Variants in CALN1 observed in about 807,000 individuals in gnomAD.
CALN1 encodes calneuron 1.
Under a neutral mutation model 30.6 loss-of-function variants are expected in CALN1, and 17 were observed. The observed-to-expected ratio is 0.56, with a 90% CI of 0.38 to 0.83. The LOEUF is 0.83. Ranked by LOEUF, CALN1 falls within the 40% of genes least tolerant of loss-of-function variation. CALN1 has a pLI of 0.00. For missense variants in CALN1, 291 were observed against 354.9 expected, an observed-to-expected ratio of 0.82 and a Z score of 1.45; for synonymous variants, 156 against 131.4, an observed-to-expected ratio of 1.19 and a Z score of -1.28.
At chr7:72,351,838 G>A (rs1426579086) in intron 2 of CALN1, among the ~76,000 whole-genome samples, 3 of 152,182 alleles carry the variant, frequency 2.0e-5, no homozygotes, top group Admixed American at 2.0e-4. Context: ...ATTGTGAATT[G>A]CATTTAATTT....
chr7:71,899,765 G>A lies in CALN1; in HGVS notation c.502-89273C>T, dbSNP rs548483144. 2.0e-4 allele frequency among the ~76,000 whole-genome samples: 31 copies of A among 152,204 alleles called. No individual in the cohort carries two copies. In the East Asian group the frequency reaches 3.5e-3, roughly 17 times the overall value. ...ACTTCAGAATAACTGATACCATGTC[G>A]TAACAACAAAATGTCACCATATGGA... On this transcript the variant is annotated intron_variant, in intron 5 of 6. Coordinates refer to ENST00000395275, the MANE Select transcript of CALN1 (RefSeq NM_031468.4).
At chr7:72,473,118 T>C in the CALN1 span, among the ~76,000 whole-genome samples, 1 of 150,124 alleles carries the variant, frequency 6.7e-6, no homozygotes, top group Non-Finnish European at 1.5e-5. Context: ...CTGTTCTTTT[T>C]GTTTTTTTTT....
intron 5 of CALN1, among the ~76,000 whole-genome samples, chr7:71,907,183 G>C (rs1794181765): frequency 6.6e-6 from 1 of 152,016 alleles, no homozygotes; most frequent in African/African-American, 2.4e-5. Flanking sequence ...GTATGGTCCA[G>C]GGAGGCACTG....
intron 5 of CALN1, among the ~76,000 whole-genome samples, chr7:71,973,578 C>T (rs758094769): frequency 5.3e-5 from 8 of 152,096 alleles, no homozygotes; most frequent in Non-Finnish European, 1.0e-4. Flanking sequence ...GTTATCTCAC[C>T]GCGTGGCAAG....
chr7:71,848,201 C>T (rs1790433206), intron 5 of CALN1, among the ~76,000 whole-genome samples: 1 of 152,200 alleles, frequency 6.6e-6, no homozygotes, highest in African/African-American at 2.4e-5. Context: ...ACTGTTCAGA[C>T]TGTGTCAGAT....
chr7:72,316,693 T>TG (rs1383557355), intron 2 of CALN1, among the ~76,000 whole-genome samples: 1 of 152,118 alleles, frequency 6.6e-6, no homozygotes, highest in Admixed American at 6.6e-5. Flanking sequence ...CCCAGCATTT[T>TG]GGGAGGCCGA....
At chr7:72,106,024 A>C in intron 4 of CALN1, 127 bp downstream of exon 4, 2 of 1,293,456 alleles carry the variant, frequency 1.5e-6, no homozygotes, top group South Asian at 1.5e-5. Flanking sequence ...GTTCTAGTCC[A>C]AGTTTCTGCT....
chr7:72,264,358 C>T (rs1258699157), intron 3 of CALN1, among the ~76,000 whole-genome samples: 1 of 152,174 alleles, frequency 6.6e-6, no homozygotes, highest in Non-Finnish European at 1.5e-5. Flanking sequence ...AACTCCAGAA[C>T]TGCATATAAA....
intron 3 of CALN1, among the ~76,000 whole-genome samples, chr7:72,163,697 C>T (rs893761372): frequency 6.6e-5 from 10 of 151,858 alleles, no homozygotes; most frequent in Non-Finnish European, 1.2e-4. Context: ...GAAGAATCAA[C>T]GAATTTGAAG....
intron 2 of CALN1, among the ~76,000 whole-genome samples, chr7:72,299,998 A>G (rs1345654045): frequency 6.6e-6 from 1 of 152,084 alleles, no homozygotes; most frequent in African/African-American, 2.4e-5. Flanking sequence ...CTCCTGCCTC[A>G]GCCTCTGAAG....
At chr7:72,410,564 C>A (rs1269407280) in intron 1 of CALN1, among the ~76,000 whole-genome samples, 1 of 152,162 alleles carries the variant, frequency 6.6e-6, no homozygotes, top group Non-Finnish European at 1.5e-5. Context: ...ATGAGCTTTT[C>A]AAATCAGCTC....
At chr7:72,216,414 T>A (rs2521198) in intron 3 of CALN1, among the ~76,000 whole-genome samples, 4,658 of 66,848 alleles carry the variant, frequency 0.07, 235 homozygotes, top group African/African-American at 0.24. Flanking sequence ...CCTATGTCTT[T>A]AAAAAAAAAC....
intron 5 of CALN1, among the ~76,000 whole-genome samples, chr7:71,819,513 C>T (rs1788473343): frequency 6.6e-6 from 1 of 152,160 alleles, no homozygotes; most frequent in Non-Finnish European, 1.5e-5. Flanking sequence ...CTATTTTATT[C>T]AAGTGTACAG....
intron 2 of CALN1, among the ~76,000 whole-genome samples, chr7:72,311,610 G>C (rs1800054356): frequency 6.7e-6 from 1 of 149,640 alleles, no homozygotes. Flanking sequence ...CTCCCAAGTA[G>C]CTGGGACTAC....
At chr7:72,127,008 C>T (rs1393454010) in intron 3 of CALN1, among the ~76,000 whole-genome samples, 1 of 151,810 alleles carries the variant, frequency 6.6e-6, no homozygotes, top group Non-Finnish European at 1.5e-5. Flanking sequence ...TTTAAAAAAT[C>T]GTAACCCGTT....
chr7:71,882,690 AC>A (rs1449908025), intron 5 of CALN1, among the ~76,000 whole-genome samples: 5 of 151,840 alleles, frequency 3.3e-5, no homozygotes, highest in Admixed American at 2.0e-4. Flanking sequence ...AAAAAAAAAA[AC>A]AACTTTTTAA....
chr7:72,483,053 C>T, the CALN1 span, among the ~76,000 whole-genome samples: 30 of 152,092 alleles, frequency 2.0e-4, no homozygotes, highest in Non-Finnish European at 4.3e-4. Context: ...CCATTGTCCT[C>T]TCACTTACTT....
At chr7:72,106,745 GAA>G in intron 3 of CALN1, among the ~76,000 whole-genome samples, 11 of 69,990 alleles carry the variant, frequency 1.6e-4, no homozygotes, top group African/African-American at 6.3e-4. Flanking sequence ...AGGGAGGGAG[GAA>G]GGAAGGGAGG....
chr7:71,795,841 C>T (rs1262910040), intron 6 of CALN1, among the ~76,000 whole-genome samples: 2 of 82,488 alleles, frequency 2.4e-5, no homozygotes, highest in Admixed American at 1.4e-4. Context: ...TTTTTTGAGA[C>T]AGAGTCTTGC....
Sources: gnomAD v4.1 joint callset for allele counts (sites outside exome capture counted in the v4.1 genomes callset) on GRCh38, gnomAD v4.1.1 for gene constraint, MANE v1.5 for transcripts, NCBI Gene and HGNC (gene_info 2026-07-23, HGNC 2026-07-21) for gene names.